The following PIBF1 variants were observed in gnomAD, a reference collection of about 807,000 sequenced individuals.
PIBF1 encodes progesterone-induced-blocking factor 1.
A neutral mutation model predicts 112.5 loss-of-function variants in PIBF1; 90 were observed. The observed-to-expected ratio is 0.80, with a 90% CI of 0.67 to 0.95. The LOEUF is 0.95. PIBF1 is among the 40% of genes least tolerant of loss of function. PIBF1 has a pLI of 0.00. For synonymous variants in PIBF1, 301 were observed against 288.6 expected (o/e 1.04, Z -0.44); for missense variants, 915 against 852.3 (o/e 1.07, Z -0.92).
intron 8 of PIBF1, among the ~76,000 whole-genome samples, chr13:72,834,192 C>T (rs1644627758): frequency 6.6e-6 from 1 of 152,136 alleles, no homozygotes; most frequent in African/African-American, 2.4e-5. Context: ...GATGGTATCG[C>T]ATTGTGTTTT....
intron 14 of PIBF1, 57 bp from the exon 15 acceptor site, chr13:72,965,217 A>G: frequency 6.8e-7 from 1 of 1,472,590 alleles, no homozygotes; most frequent in Admixed American, 1.8e-5. Flanking sequence ...AGCATTTTGA[A>G]TGATTTTATT....
chr13:72,814,435 C>CA (rs547722918), intron 5 of PIBF1, among the ~76,000 whole-genome samples: 17,087 of 72,716 alleles, frequency 0.23, 1,257 homozygotes, highest in Non-Finnish European at 0.26. Flanking sequence ...GACTTCGTCT[C>CA]AAAAAAAAAA....
In PIBF1 at chr13:73,003,009, C is replaced by T. The variant is rs1043300156; in HGVS notation, c.2223+4014C>T. ...AAAAAAAAAAAAAAAAAAAAAAAAG[C>T]CTTAGGCTCTAAGTATGGTAGCAAA... On this transcript the variant is annotated intron_variant, in intron 17 of 17. Coordinates refer to ENST00000326291, the MANE Select transcript of PIBF1 (RefSeq NM_006346.4). Among the ~76,000 whole-genome samples, 5 of 59,796 alleles carry T rather than the reference C, an allele frequency of 8.4e-5. No homozygotes were observed. In the East Asian group the frequency reaches 3.6e-3, roughly 43 times the overall value. 39.2% of individuals were successfully genotyped at this position (59,796 alleles called of 152,430 possible).
At chr13:72,810,084 TGTA>T (rs1323204142) in intron 5 of PIBF1, among the ~76,000 whole-genome samples, 1 of 152,210 alleles carries the variant, frequency 6.6e-6, no homozygotes, top group African/African-American at 2.4e-5. Flanking sequence ...GTGTCAGTAA[TGTA>T]GTCTAATTCT....
intron 16 of PIBF1, among the ~76,000 whole-genome samples, chr13:72,980,046 G>A (rs1259738647): frequency 6.6e-6 from 1 of 152,160 alleles, no homozygotes; most frequent in African/African-American, 2.4e-5. Flanking sequence ...TGTGTCTTTA[G>A]TGGTGCTACA....
At position 72,983,255 on chromosome 13, in the gene PIBF1, G is replaced by A. The variant is rs546505929; in HGVS notation, c.2049+9580G>A. Among the ~76,000 whole-genome samples, 365 of 152,040 alleles carry A rather than the reference G, an allele frequency of 2.4e-3. 1 individual carries two copies. The highest frequency in any genetic ancestry group is 8.2e-3 in the African/African-American group (341 of 41,466). On this transcript the variant is annotated intron_variant, in intron 16 of 17. Coordinates refer to ENST00000326291, the MANE Select transcript of PIBF1 (RefSeq NM_006346.4). The stretch of plus-strand genomic sequence containing the variant: ...GTCAAGGCTGCAGTGAGTCATGATT[G>A]CACCACTGCACTCCAGCCTGGGCAA...
Position 72,821,793 on chromosome 13 carries a change from G to A in PIBF1, c.673-56G>A, listed in dbSNP as rs2036566408. On this transcript the variant is annotated intron_variant, in intron 5 of 17. Coordinates refer to ENST00000326291, the MANE Select transcript of PIBF1 (RefSeq NM_006346.4). ...AACAGAAGACTTCAATACAGAATTT[G>A]GGCAACTATGTTAAGTGTTTAGTCT... 7.4e-6 allele frequency: 10 copies of A among 1,342,882 alleles called. No homozygotes were observed. In the South Asian group the frequency reaches 1.4e-4, roughly 19 times the overall value. 83.2% of individuals were successfully genotyped at this position (1,342,882 alleles called of 1,614,324 possible).
intron 2 of PIBF1, 113 bp from the exon 3 acceptor site, chr13:72,792,334 C>G: frequency 1.5e-6 from 1 of 675,916 alleles, no homozygotes; most frequent in Non-Finnish European, 2.5e-6. Context: ...TGCCTGGTCC[C>G]TCTATCCATT....
At chr13:72,844,774 C>CAT (rs2037782264) in intron 9 of PIBF1, among the ~76,000 whole-genome samples, 1 of 133,610 alleles carries the variant, frequency 7.5e-6, no homozygotes, top group Non-Finnish European at 1.6e-5. Flanking sequence ...CACACACACA[C>CAT]ACACACACAC....
At chr13:72,835,558 T>C (rs1372399922) in intron 9 of PIBF1, among the ~76,000 whole-genome samples, 190 bp downstream of exon 9, 1 of 149,900 alleles carries the variant, frequency 6.7e-6, no homozygotes, top group Non-Finnish European at 1.5e-5. Context: ...TTACTAGACT[T>C]TAACCTTTTT....
intron 9 of PIBF1, among the ~76,000 whole-genome samples, chr13:72,844,750 C>CACGGATGAAGTCTTACTGTTT (rs2037765807): frequency 1.1e-5 from 1 of 87,508 alleles, no homozygotes; most frequent in African/African-American, 4.8e-5. Flanking sequence ...CACACACACA[C>CACGGATGAAGTCTTACTGTTT]ACACACACAC....
chr13:72,892,406 A>C (rs780378983), intron 10 of PIBF1, among the ~76,000 whole-genome samples: 1 of 152,132 alleles, frequency 6.6e-6, no homozygotes, highest in Non-Finnish European at 1.5e-5. Flanking sequence ...TCTAATGCCT[A>C]TCTTCTCTGA....
chr13:72,992,062 T>G (rs1406151925), intron 16 of PIBF1, among the ~76,000 whole-genome samples: 1 of 152,128 alleles, frequency 6.6e-6, no homozygotes, highest in African/African-American at 2.4e-5. Context: ...GCACAGTGGC[T>G]CACACTTTAA....
intron 2 of PIBF1, among the ~76,000 whole-genome samples, chr13:72,785,604 C>T (rs1384785206): frequency 6.6e-6 from 1 of 152,222 alleles, no homozygotes; most frequent in African/African-American, 2.4e-5. Context: ...AGTCACCTAC[C>T]TAGTCTAGGT....
At chr13:72,863,478 C>T (rs1326768971) in intron 10 of PIBF1, among the ~76,000 whole-genome samples, 1 of 149,964 alleles carries the variant, frequency 6.7e-6, no homozygotes, top group Admixed American at 6.7e-5. Context: ...GGTGAAACCC[C>T]ATCTCTACTA....
At chr13:72,942,084 A>T (rs2042025856) in intron 14 of PIBF1, among the ~76,000 whole-genome samples, 1 of 152,008 alleles carries the variant, frequency 6.6e-6, no homozygotes, top group African/African-American at 2.4e-5. Flanking sequence ...AACTGCTAGG[A>T]GTGTTCTTCC....
intron 5 of PIBF1, among the ~76,000 whole-genome samples, chr13:72,815,323 G>A (rs138930156): frequency 5.3e-5 from 8 of 152,232 alleles, no homozygotes; most frequent in African/African-American, 7.2e-5. Context: ...ACACATTAAC[G>A]TATCAGATGC....
At chr13:72,809,832 G>T (rs952285650) in intron 5 of PIBF1, among the ~76,000 whole-genome samples, 1 of 151,970 alleles carries the variant, frequency 6.6e-6, no homozygotes, top group Non-Finnish European at 1.5e-5. Context: ...CAAGCGATCT[G>T]CCTGCCCTGG....
chr13:72,958,827 C>T (rs12864971), intron 14 of PIBF1, among the ~76,000 whole-genome samples: 13 of 152,236 alleles, frequency 8.5e-5, no homozygotes, highest in Non-Finnish European at 1.0e-4. Flanking sequence ...AAATGATTTA[C>T]GTACTAATTT....
Sources: gnomAD v4.1 joint callset for allele counts (sites outside exome capture counted in the v4.1 genomes callset) on GRCh38, gnomAD v4.1.1 for gene constraint, MANE v1.5 for transcripts, NCBI Gene and HGNC (gene_info 2026-07-23, HGNC 2026-07-21) for gene names.